The following MAGI1 variants were observed in gnomAD, a reference collection of about 807,000 sequenced individuals.
MAGI1 encodes the protein membrane-associated guanylate kinase, WW and PDZ domain-containing protein 1.
MAGI1 carries 58 observed loss-of-function variants against 139.9 expected under a neutral mutation model. That is an observed-to-expected ratio of 0.41 (90% confidence interval 0.34 to 0.52). The LOEUF (loss-of-function observed/expected upper bound fraction) is 0.52. Ranked by LOEUF, MAGI1 falls within the 20% of genes least tolerant of loss-of-function variation. The pLI, the probability that MAGI1 is intolerant of heterozygous loss-of-function variation, is 0.12. For synonymous variants in MAGI1, 812 were observed against 737.9 expected, an observed-to-expected ratio of 1.10 and a Z score of -1.63; for missense variants, 1,874 against 1,901.6, an observed-to-expected ratio of 0.99 and a Z score of 0.27.
chr3:65,986,235 C>G (rs981218165), intron 1 of MAGI1, among the ~76,000 whole-genome samples: 2 of 151,978 alleles, frequency 1.3e-5, no homozygotes, highest in African/African-American at 4.8e-5. Context: ...TTGTTTTTTT[C>G]TGTTGATGTA....
At chr3:65,593,884 AAT>A (rs1357190898) in intron 2 of MAGI1, among the ~76,000 whole-genome samples, 2 of 152,334 alleles carry the variant, frequency 1.3e-5, no homozygotes, top group East Asian at 3.9e-4. Flanking sequence ...AATTAAAAGA[AAT>A]ATGTTTTTTT....
chr3:65,769,853 G>A (rs186545632), intron 1 of MAGI1, among the ~76,000 whole-genome samples: 1 of 152,324 alleles, frequency 6.6e-6, no homozygotes, highest in African/African-American at 2.4e-5. Flanking sequence ...GCTGGAAAGA[G>A]CTTTCCTTTG....
At chr3:65,439,593 GC>G (rs953655846) in intron 9 of MAGI1, among the ~76,000 whole-genome samples, 1 of 152,146 alleles carries the variant, frequency 6.6e-6, no homozygotes, top group Non-Finnish European at 1.5e-5. Flanking sequence ...TGCAAATACT[GC>G]GGGGGCAAGA....
intron 1 of MAGI1, among the ~76,000 whole-genome samples, chr3:65,912,595 T>C (rs929919782): frequency 1.3e-5 from 2 of 152,234 alleles, no homozygotes; most frequent in African/African-American, 4.8e-5. Flanking sequence ...GACCAGCACC[T>C]GGAAAACCAA....
At chr3:65,747,127 C>T (rs897544799) in intron 1 of MAGI1, among the ~76,000 whole-genome samples, 4 of 152,122 alleles carry the variant, frequency 2.6e-5, no homozygotes, top group African/African-American at 7.2e-5. Context: ...AAAGTAAGAC[C>T]GTGTCTCAGT....
At chr3:65,593,419 C>G (rs1168937631) in intron 2 of MAGI1, among the ~76,000 whole-genome samples, 1 of 152,122 alleles carries the variant, frequency 6.6e-6, no homozygotes, top group Non-Finnish European at 1.5e-5. Flanking sequence ...AAAGGAGATT[C>G]TTTAATCAGG....
intron 15 of MAGI1, among the ~76,000 whole-genome samples, chr3:65,382,994 T>C (rs1412412924): frequency 1.3e-5 from 2 of 152,214 alleles, no homozygotes; most frequent in Non-Finnish European, 2.9e-5. Flanking sequence ...TGTTATGTTA[T>C]TCTAAATTTA....
chr3:65,519,980 T>C (rs2078079485), intron 2 of MAGI1, among the ~76,000 whole-genome samples: 1 of 152,052 alleles, frequency 6.6e-6, no homozygotes. Context: ...GCACAGCAGC[T>C]CTTAGAACAT....
At chr3:65,736,682 CA>C (rs2034767021) in intron 1 of MAGI1, among the ~76,000 whole-genome samples, 1 of 152,168 alleles carries the variant, frequency 6.6e-6, no homozygotes, top group African/African-American at 2.4e-5. Context: ...GAAGAGAGAA[CA>C]AGTTCGCCCT....
chr3:65,858,775 G>T (rs2059449281), intron 1 of MAGI1, among the ~76,000 whole-genome samples: 1 of 152,118 alleles, frequency 6.6e-6, no homozygotes, highest in Admixed American at 6.5e-5. Context: ...CAATTTTCAA[G>T]AAACATTTTA....
At chr3:65,740,623 A>AAACTTTGG (rs1473159258) in intron 1 of MAGI1, among the ~76,000 whole-genome samples, 2 of 152,226 alleles carry the variant, frequency 1.3e-5, no homozygotes, top group Non-Finnish European at 2.9e-5. Context: ...GAAACGATGG[A>AAACTTTGG]AAACTTAATT....
chr3:65,678,259 A>T (rs373892608), intron 1 of MAGI1, among the ~76,000 whole-genome samples: 223 of 152,272 alleles, frequency 1.5e-3, no homozygotes, highest in African/African-American at 4.8e-3. Flanking sequence ...ACCATGGCAT[A>T]TGTATACCTA....
At chr3:65,450,049 AAGAGT>A (rs1471583441) in intron 6 of MAGI1, among the ~76,000 whole-genome samples, 1 of 152,226 alleles carries the variant, frequency 6.6e-6, no homozygotes, top group African/African-American at 2.4e-5. Context: ...TGTGAAATAT[AAGAGT>A]ATAGTGAAAT....
chr3:65,823,586 C>T (rs147006361), intron 1 of MAGI1, among the ~76,000 whole-genome samples: 1 of 152,332 alleles, frequency 6.6e-6, no homozygotes, highest in African/African-American at 2.4e-5. Flanking sequence ...TGTCAACAAC[C>T]TATCTTTATT....
chr3:65,851,387 T>C (rs950716437), intron 1 of MAGI1, among the ~76,000 whole-genome samples: 1 of 152,192 alleles, frequency 6.6e-6, no homozygotes, highest in African/African-American at 2.4e-5. Flanking sequence ...GAGTATTACA[T>C]TGTTGCCTTA....
intron 3 of MAGI1, among the ~76,000 whole-genome samples, chr3:65,491,856 G>A (rs900425271): frequency 7.9e-5 from 12 of 152,032 alleles, no homozygotes; most frequent in African/African-American, 2.7e-4. Flanking sequence ...CCTGATTCAT[G>A]AGCAGGAATT....
chr3:65,722,068 G>C (rs2033095640), intron 1 of MAGI1, among the ~76,000 whole-genome samples: 1 of 152,034 alleles, frequency 6.6e-6, no homozygotes, highest in Non-Finnish European at 1.5e-5. Context: ...CTACTACTCA[G>C]GGTCAGTTGC....
Position 65,457,933 on chromosome 3 carries a change from T to G in MAGI1, c.960-4593A>C, listed in dbSNP as rs140422533. ...TTTTGTAGCCATTAACCATCTCCAC[T>G]TCCCCTTACCACCACTCCACCACCC... On this transcript the variant is annotated intron_variant, in intron 5 of 22. Coordinates refer to ENST00000402939, the MANE Select transcript of MAGI1 (RefSeq NM_001033057.2). Among the ~76,000 whole-genome samples the G allele has an allele frequency of 7.8e-3, 1,193 of 152,192 alleles. 13 individuals are homozygous for G. The highest frequency in any genetic ancestry group is 0.027 in the African/African-American group (1,116 of 41,538).
At chr3:65,688,608 A>G (rs2088283794) in intron 1 of MAGI1, 2 of 266,874 alleles carry the variant, frequency 7.5e-6, no homozygotes, top group South Asian at 1.1e-4. Context: ...AATAAACTCT[A>G]CAGAAGTGTC....
Sources: gnomAD v4.1 joint callset for allele counts (sites outside exome capture counted in the v4.1 genomes callset) on GRCh38, gnomAD v4.1.1 for gene constraint, MANE v1.5 for transcripts, NCBI Gene and HGNC (gene_info 2026-07-23, HGNC 2026-07-21) for gene names.